OTULINL: variants seen among roughly 807,000 people sequenced by gnomAD.
OTULINL encodes OTU deubiquitinase with linear linkage specificity like, also known as inactive ubiquitin thioesterase OTULINL.
Under a neutral mutation model 43.9 loss-of-function variants are expected in OTULINL, and 42 were observed. That is an observed-to-expected ratio of 0.96 (90% CI 0.75 to 1.24). The LOEUF (loss-of-function observed/expected upper bound fraction) is 1.24. Among genes scored for constraint, OTULINL ranks in the 50% most tolerant of loss-of-function variants. The probability of loss-of-function intolerance (pLI) is 0.00; values close to 1 mark genes in which losing one functional copy is unlikely to be tolerated. For missense variants in OTULINL, 411 were observed against 426.4 expected, an observed-to-expected ratio of 0.96 and a Z score of 0.32; for synonymous variants, 172 against 153.6, an observed-to-expected ratio of 1.12 and a Z score of -0.88.
At chr5:14,587,608 G>A (rs567550083) in intron 1 of OTULINL, among the ~76,000 whole-genome samples, 1 of 152,322 alleles carries the variant, frequency 6.6e-6, no homozygotes, top group East Asian at 1.9e-4. Context: ...GCAGTGCAAG[G>A]CTTGGGCATA....
At chr5:14,582,814 CAAAAAA>C (rs57907300) in intron 1 of OTULINL, among the ~76,000 whole-genome samples, 12 of 55,030 alleles carry the variant, frequency 2.2e-4, no homozygotes, top group East Asian at 1.7e-3. Context: ...TTGCTCTGTC[CAAAAAA>C]AAAAAAAAAA....
Position 14,581,843 on chromosome 5 carries a change from A to G in OTULINL, c.-52A>G. ...GGCGGGCGGCCGTCGCGTCTGACAG[A>G]CCACTGCAGACCACGGGCCGAGGCC... On this transcript the variant is annotated 5_prime_UTR_variant, in exon 1 of 8. Transcript: ENST00000274217. The G allele has an allele frequency of 7.5e-7, 1 of 1,333,846 alleles. No homozygotes were observed. The highest frequency in any genetic ancestry group is 3.7e-5 in the Admixed American group (1 of 27,240). 82.6% of individuals were successfully genotyped at this position (1,333,846 alleles called of 1,614,324 possible).
chr5:14,593,087 C>T (rs991776812), intron 1 of OTULINL, among the ~76,000 whole-genome samples: 3 of 152,180 alleles, frequency 2.0e-5, no homozygotes, highest in Non-Finnish European at 2.9e-5. Context: ...AGAATCCAGT[C>T]GGTTGCATTT....
rs1336829345 is a variant in OTULINL, at chr5:14,607,747, T to TG, written c.627+291dup. On this transcript the variant is annotated intron_variant, in intron 6 of 7. Coordinates refer to ENST00000274217, the MANE Select transcript of OTULINL (RefSeq NM_019018.3). ...GTACCTTTGTTTCCCCAGAAAAATG[T>TG]GGTGCAAGTCCAGGCAAGGTGCTCA... 1.5e-4 allele frequency among the ~76,000 whole-genome samples: 23 copies of TG among 152,338 alleles called. No homozygotes were observed. In the South Asian group the frequency reaches 1.9e-3, roughly 12 times the overall value.
In OTULINL at chr5:14,610,516, T is replaced by C; in HGVS notation, c.*202T>C. 1.9e-6 allele frequency: 1 copy of C among 526,840 alleles called. No individual in the cohort carries two copies. Among genetic ancestry groups the C allele is most frequent in the Non-Finnish European group, 3.3e-6 (1 of 304,752 alleles). The allele number at this position is 526,840 out of a possible 1,614,324, so 32.6% of individuals were successfully genotyped here. ...ATTTCCTCTGAAGCAGCTGCACTGA[T>C]ACATTTGGGAGTTGGTGGCTTGACT... On this transcript the variant is annotated 3_prime_UTR_variant, in exon 8 of 8. Transcript: ENST00000274217.
intron 5 of OTULINL, among the ~76,000 whole-genome samples, chr5:14,604,995 G>T (rs1218493162): frequency 1.3e-5 from 2 of 152,218 alleles, no homozygotes; most frequent in Non-Finnish European, 2.9e-5. Context: ...CCACTAGGCA[G>T]CACCCCAGTG....
Position 14,604,061 on chromosome 5 carries a change from G to A in OTULINL, c.498+1729G>A, listed in dbSNP as rs574185058. Among the ~76,000 whole-genome samples the A allele has an allele frequency of 1.1e-4, 16 of 152,300 alleles. No homozygotes were observed. The South Asian group carries it at 2.3e-3, about 22-fold the overall frequency. On this transcript the variant is annotated intron_variant, in intron 5 of 7. Coordinates refer to ENST00000274217, the MANE Select transcript of OTULINL (RefSeq NM_019018.3). ...AAAAATACAACAGAGGCCAGGAGCC[G>A]TGGCTTATGCCTGTAATCCCAGCAC...
At chr5:14,601,955 A>G (rs1213309215) in intron 4 of OTULINL, among the ~76,000 whole-genome samples, 2 of 152,228 alleles carry the variant, frequency 1.3e-5, no homozygotes, top group East Asian at 3.8e-4. Flanking sequence ...CGCATCCCTT[A>G]TCTGCCCAAG....
In OTULINL at chr5:14,614,811, G is replaced by A. The variant is rs1759644479; in HGVS notation, c.*4497G>A. 1.3e-5 allele frequency: 5 copies of A among 398,350 alleles called. No homozygotes were observed. The highest frequency in any genetic ancestry group is 2.1e-5 in the African/African-American group (1 of 48,602). 24.7% of individuals were successfully genotyped at this position (398,350 alleles called of 1,614,324 possible). On this transcript the variant is annotated 3_prime_UTR_variant, in exon 8 of 8. Transcript: ENST00000274217. ...TGCTAAAGTTATAATCCTAGCTGGT[G>A]TCTCGTTCTGTTTAAAAAAATCAAA...
Position 14,602,238 on chromosome 5 carries a change from G to A in OTULINL, c.404G>A (p.Arg135Lys), listed in dbSNP as rs1245937607. The A allele has an allele frequency of 3.7e-6, 6 of 1,613,594 alleles. No individual in the cohort carries two copies. In the African/African-American group the frequency reaches 8.0e-5, roughly 22 times the overall value. ...HHIKCVRQVR[R>K]DNYDALRSVL... The stretch of plus-strand genomic sequence containing the variant: ...ATTAAATGTGTTCGACAAGTAAGGA[G>A]AGATAACTATGATGCTCTCAGATCA... Residue 135 changes from arginine to lysine, a missense_variant, in exon 5 of 8, where the codon AGA becomes AAA. Coordinates refer to ENST00000274217, the MANE Select transcript of OTULINL (RefSeq NM_019018.3).
Position 14,612,675 on chromosome 5 carries a change from A to C in OTULINL, c.*2361A>C, listed in dbSNP as rs1225109905. ...TAAATTAGCACCACTTTTAAATGTC[A>C]ACAATAAATTTGAGGTGAGCTTCCT... is the stretch of plus-strand genomic sequence containing the variant. On this transcript the variant is annotated 3_prime_UTR_variant, in exon 8 of 8. Coordinates refer to ENST00000274217, the MANE Select transcript of OTULINL (RefSeq NM_019018.3). The C allele has an allele frequency of 6.6e-6, 1 of 152,200 alleles. No individual in the cohort carries two copies. Among genetic ancestry groups the C allele is most frequent in the Non-Finnish European group, 1.5e-5 (1 of 68,040 alleles). 9.4% of individuals were successfully genotyped at this position (152,200 alleles called of 1,614,324 possible).
At chr5:14,608,717 T>G (rs751755840) in intron 6 of OTULINL, 31 bp from the exon 7 acceptor site, 1 of 1,556,322 alleles carries the variant, frequency 6.4e-7, no homozygotes, top group African/African-American at 1.4e-5. Flanking sequence ...ACCTTTATCC[T>G]TCTGAATTTC....
At chr5:14,608,412 G>T (rs1369377623) in intron 6 of OTULINL, among the ~76,000 whole-genome samples, 1 of 152,190 alleles carries the variant, frequency 6.6e-6, no homozygotes, top group Admixed American at 6.5e-5. Flanking sequence ...AGGAGAACTA[G>T]CTAGCTCTTT....
At chr5:14,590,139 G>A (rs1451656696) in intron 1 of OTULINL, among the ~76,000 whole-genome samples, 1 of 152,102 alleles carries the variant, frequency 6.6e-6, no homozygotes, top group Non-Finnish European at 1.5e-5. Flanking sequence ...TCTTTATCTG[G>A]ACTGATTTCT....
intron 1 of OTULINL, among the ~76,000 whole-genome samples, chr5:14,590,792 A>G (rs1271447316): frequency 2.6e-5 from 4 of 152,216 alleles, no homozygotes; most frequent in African/African-American, 7.2e-5. Context: ...ATGCTACTAT[A>G]GGTAATGACC....
Position 14,610,273 on chromosome 5 carries a change from CT to C in OTULINL, c.1031del (p.Leu344ArgfsTer37). ...PLRDWPEISL[L>X]TENDRHYHIP... ...CAGGGACTGGCCGGAGATCTCCCTGCTGACCGAGAACGACCGCCACTACCAC... is the reference window on the plus strand; with the variant it reads ...CAGGGACTGGCCGGAGATCTCCCTGCGACCGAGAACGACCGCCACTACCAC... On this transcript the variant is annotated frameshift_variant, in exon 8 of 8. Transcript: ENST00000274217. LOFTEE classifies it high-confidence loss of function. 6.2e-7 allele frequency: 1 copy of C among 1,613,620 alleles called. No homozygotes were observed. The highest frequency in any genetic ancestry group is 8.5e-7 in the Non-Finnish European group (1 of 1,180,012).
intron 1 of OTULINL, among the ~76,000 whole-genome samples, chr5:14,597,708 C>T (rs572448324): frequency 8.5e-5 from 13 of 152,336 alleles, no homozygotes; most frequent in South Asian, 6.2e-4. Context: ...CCATGGCCTG[C>T]TTCCATGTGA....
Position 14,612,363 on chromosome 5 carries a change from G to A in OTULINL, c.*2049G>A, listed in dbSNP as rs866257209. ...TTCCACATCAATCCAGGACTGAAAG[G>A]AAAAATTTTTTCACCAGGATTGGCA... On this transcript the variant is annotated 3_prime_UTR_variant, in exon 8 of 8. Coordinates refer to ENST00000274217, the MANE Select transcript of OTULINL (RefSeq NM_019018.3). 6 of 152,148 alleles carry A rather than the reference G, an allele frequency of 3.9e-5. No individual in the cohort carries two copies. The highest frequency in any genetic ancestry group is 1.4e-4 in the African/African-American group (6 of 41,434). 9.4% of individuals were successfully genotyped at this position (152,148 alleles called of 1,614,324 possible).
Position 14,601,115 on chromosome 5 carries a change from A to T in OTULINL, c.215A>T (p.Lys72Met). ...FRRLHLYSGHKLKWWIGYLQR... is the reference protein window; with the variant it reads ...FRRLHLYSGHMLKWWIGYLQR... ...AGGCTACATTTATATTCAGGGCACA[A>T]GCTGAAATGGTAGGTCACTGTATCA... is the stretch of plus-strand genomic sequence containing the variant. Residue 72 changes from lysine to methionine, a missense_variant, in exon 2 of 8, where the codon AAG becomes ATG. Transcript: ENST00000274217. 6.2e-7 allele frequency: 1 copy of T among 1,611,784 alleles called. No individual in the cohort carries two copies. The highest frequency in any genetic ancestry group is 1.7e-5 in the Admixed American group (1 of 59,548).
Sources: gnomAD v4.1 joint callset for allele counts (sites outside exome capture counted in the v4.1 genomes callset) on GRCh38, gnomAD v4.1.1 for gene constraint, MANE v1.5 for transcripts, NCBI Gene and HGNC (gene_info 2026-07-23, HGNC 2026-07-21) for gene names.